Variants in KCNMA1 observed in about 807,000 individuals in gnomAD.
KCNMA1 encodes potassium calcium-activated channel subfamily M alpha 1.
In KCNMA1, 29 loss-of-function variants were observed where a neutral mutation model predicts 140.0. That is an observed-to-expected ratio of 0.21 (90% CI 0.15 to 0.28). KCNMA1 has a LOEUF of 0.28. Among genes scored for constraint, KCNMA1 ranks in the 10% least tolerant of loss-of-function variants. The pLI is 1.00. For missense variants in KCNMA1, 880 were observed against 1,602.2 expected (o/e 0.55, Z 7.70); for synonymous variants, 612 against 611.9 (o/e 1.00, Z 0.00).
chr10:77,171,229 C>T (rs995082943), intron 5 of KCNMA1, among the ~76,000 whole-genome samples: 4 of 152,128 alleles, frequency 2.6e-5, no homozygotes, highest in African/African-American at 9.7e-5. Flanking sequence ...TGGAACACCC[C>T]AAATCTGTAA....
At chr10:77,186,777 ATGTGTGTGTGTG>A (rs10594438) in intron 3 of KCNMA1, among the ~76,000 whole-genome samples, 222 of 145,182 alleles carry the variant, frequency 1.5e-3, no homozygotes, top group South Asian at 2.3e-3. Context: ...TAAAGAGTAA[ATGTGTGTGTGTG>A]TGTGTGTGTG....
At chr10:77,404,243 T>C (rs1032557067) in intron 1 of KCNMA1, among the ~76,000 whole-genome samples, 7 of 152,154 alleles carry the variant, frequency 4.6e-5, no homozygotes, top group African/African-American at 1.4e-4. Flanking sequence ...AATATCTTAG[T>C]GAAACAAAGA....
chr10:77,030,230 C>T (rs563280734), intron 15 of KCNMA1, among the ~76,000 whole-genome samples: 52 of 152,280 alleles, frequency 3.4e-4, no homozygotes, highest in Middle Eastern at 3.4e-3. Flanking sequence ...GGGCTTTGTG[C>T]TGATTATGCA....
intron 11 of KCNMA1, among the ~76,000 whole-genome samples, chr10:77,085,100 G>C (rs1220268341): frequency 6.6e-6 from 1 of 152,240 alleles, no homozygotes; most frequent in Middle Eastern, 3.4e-3. Context: ...GTTGGAGGTG[G>C]GTGGGTTAAA....
intron 23 of KCNMA1, among the ~76,000 whole-genome samples, chr10:76,933,696 CAT>C (rs1282335939): frequency 2.0e-5 from 3 of 152,162 alleles, no homozygotes; most frequent in Non-Finnish European, 4.4e-5. Flanking sequence ...TCTCATAACA[CAT>C]TGTGTGGCAG....
At chr10:77,496,596 C>CAAAAA (rs201304328) in intron 1 of KCNMA1, among the ~76,000 whole-genome samples, 2 of 63,012 alleles carry the variant, frequency 3.2e-5, no homozygotes, top group Non-Finnish European at 4.4e-5. Flanking sequence ...GACACTGTCT[C>CAAAAA]AAAAAAAAAA....
intron 14 of KCNMA1, among the ~76,000 whole-genome samples, chr10:77,049,724 C>CT (rs769681678): frequency 1.3e-5 from 2 of 152,176 alleles, no homozygotes; most frequent in Non-Finnish European, 2.9e-5. Context: ...ACTTCAATAA[C>CT]TTCATAGCGT....
intron 1 of KCNMA1, among the ~76,000 whole-genome samples, chr10:77,591,536 C>A (rs985185746): frequency 2.6e-5 from 4 of 152,220 alleles, no homozygotes; most frequent in African/African-American, 9.6e-5. Context: ...AGGCCCCACC[C>A]AGGCCAAGCA....
chr10:77,577,685 G>T (rs528357989), intron 1 of KCNMA1, among the ~76,000 whole-genome samples: 1 of 152,310 alleles, frequency 6.6e-6, no homozygotes, highest in East Asian at 1.9e-4. Flanking sequence ...CCATTGTGCA[G>T]ATGGGAAAAC....
At chr10:77,267,024 G>C (rs1333475563) in intron 2 of KCNMA1, among the ~76,000 whole-genome samples, 1 of 152,124 alleles carries the variant, frequency 6.6e-6, no homozygotes, top group Non-Finnish European at 1.5e-5. Context: ...ACATGAATTA[G>C]GAGGACTCTC....
At chr10:77,397,437 G>C (rs1010276186) in intron 2 of KCNMA1, among the ~76,000 whole-genome samples, 2 of 152,028 alleles carry the variant, frequency 1.3e-5, no homozygotes, top group Non-Finnish European at 2.9e-5. Flanking sequence ...ATTAGATCAG[G>C]GTAACAGAAA....
chr10:77,365,342 C>G (rs1432986202), intron 2 of KCNMA1, among the ~76,000 whole-genome samples: 1 of 152,198 alleles, frequency 6.6e-6, no homozygotes. Context: ...CTTCAGCAAC[C>G]TAGATACTTT....
chr10:76,945,003 G>T, intron 22 of KCNMA1, 38 bp from the exon 23 acceptor site: 1 of 1,552,778 alleles, frequency 6.4e-7, no homozygotes, highest in Non-Finnish European at 8.9e-7. Context: ...CAGAGATGGG[G>T]GGAGAAAGAG....
intron 2 of KCNMA1, among the ~76,000 whole-genome samples, chr10:77,333,854 T>C (rs1212049370): frequency 6.6e-6 from 1 of 152,246 alleles, no homozygotes; most frequent in Admixed American, 6.5e-5. Flanking sequence ...GTTTTCCTGC[T>C]TCTGAGAGTA....
At chr10:77,133,732 G>A (rs11002033) in intron 5 of KCNMA1, among the ~76,000 whole-genome samples, 2,171 of 152,072 alleles carry the variant, frequency 0.014, 76 homozygotes, top group East Asian at 0.14. Flanking sequence ...GGATATATTC[G>A]TATCTATATG....
chr10:77,590,343 T>A (rs2154564634), intron 1 of KCNMA1, among the ~76,000 whole-genome samples: 1 of 152,226 alleles, frequency 6.6e-6, no homozygotes, highest in East Asian at 1.9e-4. Flanking sequence ...GCGGCGCTCC[T>A]CGGGGAGGCT....
chr10:77,297,026 A>G (rs1259866071), intron 2 of KCNMA1, among the ~76,000 whole-genome samples: 1 of 152,130 alleles, frequency 6.6e-6, no homozygotes, highest in Non-Finnish European at 1.5e-5. Flanking sequence ...GGTTGTACCC[A>G]AGACATCCAA....
chr10:77,524,327 AAT>A (rs1216597890), intron 1 of KCNMA1, among the ~76,000 whole-genome samples: 1 of 152,194 alleles, frequency 6.6e-6, no homozygotes, highest in African/African-American at 2.4e-5. Context: ...ATGCCTAAGT[AAT>A]AAAACAGACA....
At chr10:77,495,942 TG>T (rs1373106087) in intron 1 of KCNMA1, among the ~76,000 whole-genome samples, 2 of 152,160 alleles carry the variant, frequency 1.3e-5, no homozygotes, top group Non-Finnish European at 2.9e-5. Context: ...AGTCTTCCTG[TG>T]TGGAAGCTCA....
Sources: gnomAD v4.1 joint callset for allele counts (sites outside exome capture counted in the v4.1 genomes callset) on GRCh38, gnomAD v4.1.1 for gene constraint, MANE v1.5 for transcripts, NCBI Gene and HGNC (gene_info 2026-07-23, HGNC 2026-07-21) for gene names.